The following DKK2 variants were observed in gnomAD, a reference collection of about 807,000 sequenced individuals.
DKK2 encodes the protein dickkopf-related protein 2.
In DKK2, 11 loss-of-function variants were observed where a neutral mutation model predicts 28.1. The observed-to-expected ratio is 0.39, with a 90% CI of 0.25 to 0.65. The LOEUF (loss-of-function observed/expected upper bound fraction) is 0.65, where lower values mean the gene tolerates loss of function less well. Ranked by LOEUF, DKK2 falls within the 30% of genes least tolerant of loss-of-function variation. The probability of loss-of-function intolerance (pLI) is 0.47; values close to 1 mark genes in which losing one functional copy is unlikely to be tolerated. For missense variants in DKK2, 326 were observed against 335.5 expected (o/e 0.97, Z 0.22); for synonymous variants, 135 against 126.5 (o/e 1.07, Z -0.45).
chr4:106,991,740 A>T (rs191095109), intron 1 of DKK2, among the ~76,000 whole-genome samples: 39 of 152,286 alleles, frequency 2.6e-4, no homozygotes, highest in African/African-American at 8.4e-4. Flanking sequence ...AAAAACAGGC[A>T]TGCATGTATA....
rs144930125 is a variant in DKK2, at chr4:107,009,537, T to C, written c.222+25833A>G. Reference sequence around the variant, plus strand: ...CAGCTGGGAGGGTGAGGAGAGAAGATGAGTTTTTATTTTAACATATGTAAT... The same window carrying C: ...CAGCTGGGAGGGTGAGGAGAGAAGACGAGTTTTTATTTTAACATATGTAAT... On this transcript the variant is annotated intron_variant, in intron 1 of 3. Coordinates refer to ENST00000285311, the MANE Select transcript of DKK2 (RefSeq NM_014421.3). Among the ~76,000 whole-genome samples the C allele has an allele frequency of 1.6e-3, 238 of 151,986 alleles. 1 individual carries two copies. Among genetic ancestry groups the C allele is most frequent in the African/African-American group, 5.6e-3 (232 of 41,522 alleles).
intron 1 of DKK2, among the ~76,000 whole-genome samples, chr4:107,028,877 A>G (rs1259538931): frequency 6.6e-6 from 1 of 152,202 alleles, no homozygotes; most frequent in Non-Finnish European, 1.5e-5. Context: ...ATTCAGAAAG[A>G]TGAGGACAGG....
intron 1 of DKK2, among the ~76,000 whole-genome samples, chr4:106,964,913 T>C (rs1031519108): frequency 1.3e-5 from 2 of 151,294 alleles, no homozygotes; most frequent in African/African-American, 2.4e-5. Context: ...AGATGATAGA[T>C]AGGAGAGAGA....
intron 1 of DKK2, among the ~76,000 whole-genome samples, chr4:106,978,782 G>C (rs1722982200): frequency 6.7e-6 from 1 of 150,352 alleles, no homozygotes; most frequent in Non-Finnish European, 1.5e-5. Context: ...GGTGCCACTG[G>C]GGTATGATAA....
intron 1 of DKK2, among the ~76,000 whole-genome samples, chr4:106,934,674 T>G (rs1453245181): frequency 6.6e-6 from 1 of 152,212 alleles, no homozygotes; most frequent in Non-Finnish European, 1.5e-5. Flanking sequence ...TTTCATTTCC[T>G]CTAGGAATTA....
intron 1 of DKK2, among the ~76,000 whole-genome samples, chr4:107,004,742 G>T (rs981823333): frequency 1.3e-5 from 2 of 152,074 alleles, no homozygotes; most frequent in Non-Finnish European, 2.9e-5. Context: ...GGTTATTCTG[G>T]GATATCTGGG....
Position 106,964,958 on chromosome 4 carries a change from G to T in DKK2, c.223-39009C>A, listed in dbSNP as rs200722636. 5.6e-4 allele frequency among the ~76,000 whole-genome samples: 67 copies of T among 118,592 alleles called. 1 individual carries two copies. Among genetic ancestry groups the T allele is most frequent in the South Asian group, 1.7e-3 (6 of 3,520 alleles). 77.8% of individuals were successfully genotyped at this position (118,592 alleles called of 152,430 possible). A position where few individuals can be genotyped will look rare whatever the true frequency, so the allele number is the denominator to read the frequency against. On this transcript the variant is annotated intron_variant, in intron 1 of 3. Transcript: ENST00000285311. ...ATGATAGATTAGATATAGATAGATA[G>T]ATATAGATAGATAGATAGATAGATA...
chr4:107,007,020 A>C (rs373117254), intron 1 of DKK2, among the ~76,000 whole-genome samples: 44 of 152,292 alleles, frequency 2.9e-4, no homozygotes, highest in African/African-American at 1.0e-3. Context: ...GATGTCATAA[A>C]TAGAAGACAT....
Position 107,027,220 on chromosome 4 carries a change from G to A in DKK2, c.222+8150C>T, listed in dbSNP as rs17037282. On this transcript the variant is annotated intron_variant, in intron 1 of 3. Coordinates refer to ENST00000285311, the MANE Select transcript of DKK2 (RefSeq NM_014421.3). ...TCAAAGGGTTGAGAGGAAATAGAAC[G>A]TGAAAACCATTATTTGAATGTGATT... Among the ~76,000 whole-genome samples the A allele has an allele frequency of 9.3e-3, 1,412 of 152,124 alleles. 27 individuals carry two copies. Among genetic ancestry groups the A allele is most frequent in the African/African-American group, 0.032 (1,332 of 41,482 alleles).
intron 1 of DKK2, among the ~76,000 whole-genome samples, chr4:106,945,485 C>A (rs906010509): frequency 1.3e-5 from 2 of 152,042 alleles, no homozygotes; most frequent in Non-Finnish European, 2.9e-5. Flanking sequence ...GTACATAGAG[C>A]TTTTTGTCTT....
intron 1 of DKK2, among the ~76,000 whole-genome samples, chr4:106,955,660 T>C (rs952716238): frequency 2.0e-5 from 3 of 152,178 alleles, no homozygotes; most frequent in East Asian, 3.8e-4. Flanking sequence ...TGGAAACCTT[T>C]GGCAAAATTG....
chr4:107,008,142 G>A (rs951116312), intron 1 of DKK2, among the ~76,000 whole-genome samples: 2 of 152,232 alleles, frequency 1.3e-5, no homozygotes, highest in Middle Eastern at 3.4e-3. Flanking sequence ...TGAAGGCCAC[G>A]TAGGTGAAAA....
intron 1 of DKK2, among the ~76,000 whole-genome samples, chr4:107,018,658 T>C (rs960682056): frequency 2.0e-5 from 3 of 152,062 alleles, no homozygotes; most frequent in Non-Finnish European, 4.4e-5. Context: ...GCTGGGTTTG[T>C]GACAATCAGA....
chr4:107,017,636 CT>C (rs1190530712), intron 1 of DKK2, among the ~76,000 whole-genome samples: 1 of 150,960 alleles, frequency 6.6e-6, no homozygotes, highest in East Asian at 1.9e-4. Context: ...ATATTGCTTT[CT>C]TGAAAAAAAA....
In DKK2 at chr4:106,925,824, G is replaced by A; in HGVS notation, c.348C>T (p.Cys116=). The A allele has an allele frequency of 1.2e-6, 2 of 1,612,834 alleles. No homozygotes were observed. Among genetic ancestry groups the A allele is most frequent in the South Asian group, 1.1e-5 (1 of 91,008 alleles). The change falls in exon 2 of 4, where the codon TGC becomes TGT. Residue 116 remains cysteine (C), a synonymous_variant. Transcript: ENST00000285311. ...CATTATTGCAGCGGGTACTGGGGCAGCACATGCCATCTCGGTGGCAGCGCT... is the reference window on the plus strand; with the variant it reads ...CATTATTGCAGCGGGTACTGGGGCAACACATGCCATCTCGGTGGCAGCGCT... ...KKKRCHRDGM[C]CPSTRCNNGI...
chr4:106,990,605 G>A (rs148213449), intron 1 of DKK2, among the ~76,000 whole-genome samples: 1 of 152,032 alleles, frequency 6.6e-6, no homozygotes, highest in Non-Finnish European at 1.5e-5. Flanking sequence ...TTCTTTCACC[G>A]TGGCTAATTA....
At chr4:106,988,216 G>C (rs1274498522) in intron 1 of DKK2, among the ~76,000 whole-genome samples, 1 of 152,100 alleles carries the variant, frequency 6.6e-6, no homozygotes, top group African/African-American at 2.4e-5. Flanking sequence ...AGAGGTGAAG[G>C]GGCAGTGGTC....
chr4:107,006,621 G>A (rs929291365), intron 1 of DKK2, among the ~76,000 whole-genome samples: 1 of 152,176 alleles, frequency 6.6e-6, no homozygotes, highest in Non-Finnish European at 1.5e-5. Context: ...GCTGAATTGA[G>A]TGCAGGTGGT....
chr4:107,002,213 C>T (rs554505429), intron 1 of DKK2, among the ~76,000 whole-genome samples: 49 of 152,290 alleles, frequency 3.2e-4, no homozygotes, highest in Middle Eastern at 3.4e-3. Context: ...AAGACTGTTT[C>T]TTTACAATGT....
Sources: allele counts gnomAD v4.1 joint callset (sites outside exome capture counted in the v4.1 genomes callset), GRCh38; gene constraint gnomAD v4.1.1; transcripts MANE v1.5; gene names NCBI Gene and HGNC (gene_info 2026-07-23, HGNC 2026-07-21).